RBM38: variants seen among roughly 807,000 people sequenced by gnomAD.
RBM38 encodes the protein RNA binding motif protein 38, also known as RNA-binding protein 38.
RBM38 carries 11 observed loss-of-function variants against 23.5 expected under a neutral mutation model. The ratio of observed to expected loss-of-function variants is 0.47; its 90% confidence interval spans 0.29 to 0.77. The LOEUF (loss-of-function observed/expected upper bound fraction) is 0.77, where lower values mean the gene tolerates loss of function less well. Among genes scored for constraint, RBM38 ranks in the 30% least tolerant of loss-of-function variants. The pLI, the probability that RBM38 is intolerant of heterozygous loss-of-function variation, is 0.08. For synonymous variants in RBM38, 165 were observed against 166.1 expected (o/e 0.99, Z 0.05); for missense variants, 330 against 351.9 (o/e 0.94, Z 0.50).
At chr20:57,405,415 A>G (rs1285238926) in intron 3 of RBM38, among the ~76,000 whole-genome samples, 1 of 152,190 alleles carries the variant, frequency 6.6e-6, no homozygotes, top group East Asian at 1.9e-4. Flanking sequence ...AGAGGCTTCT[A>G]ACCTGGGGAG....
intron 3 of RBM38, among the ~76,000 whole-genome samples, chr20:57,406,817 C>T (rs2067389190): frequency 6.6e-6 from 1 of 152,024 alleles, no homozygotes; most frequent in Non-Finnish European, 1.5e-5. Context: ...CACGGTGAAA[C>T]CTCATCTCTA....
chr20:57,391,759 A>T lies in RBM38; in HGVS notation c.178A>T (p.Ile60Phe). Reference sequence around the variant, plus strand: ...GAAGTACTTCGAGGGCTTCGGCGACATCGAGGAGGCCGTGGTCATCACCGA... The same window carrying T: ...GAAGTACTTCGAGGGCTTCGGCGACTTCGAGGAGGCCGTGGTCATCACCGA... Reference protein sequence around the residue: ...LRKYFEGFGDIEEAVVITDRQ... With the variant: ...LRKYFEGFGDFEEAVVITDRQ... The change falls in exon 1 of 4, where the codon ATC becomes TTC. Residue 60 changes from isoleucine (I) to phenylalanine (F), a missense_variant. Ile to Phe is a conservative substitution (Grantham distance 21, BLOSUM62 0). Coordinates refer to ENST00000356208, the MANE Select transcript of RBM38 (RefSeq NM_017495.6). The T allele has an allele frequency of 6.4e-7, 1 of 1,573,090 alleles. No individual in the cohort carries two copies. Among genetic ancestry groups the T allele is most frequent in the Non-Finnish European group, 8.6e-7 (1 of 1,159,366 alleles).
chr20:57,394,005 A>G, intron 3 of RBM38, among the ~76,000 whole-genome samples: 1 of 152,038 alleles, frequency 6.6e-6, no homozygotes, highest in Non-Finnish European at 1.5e-5. Context: ...CACACACTTA[A>G]GGGATACAAA....
chr20:57,407,504 C>T lies in RBM38; in HGVS notation c.417-39C>T, dbSNP rs369862524. On this transcript the variant is annotated intron_variant, in intron 3 of 3. Transcript: ENST00000356208. This position sits in a 1 kb window ranked among gnomAD's most constrained non-coding sequence, Gnocchi z 4.0. ...CTGTTCTCCCAGCTGTATTCCCCAA[C>T]TCCGTTCTGGCCCTAACCTGCTCTG... is the stretch of plus-strand genomic sequence containing the variant. 24 of 1,598,218 alleles carry T rather than the reference C, an allele frequency of 1.5e-5. No individual in the cohort carries two copies. Among genetic ancestry groups the T allele is most frequent in the Non-Finnish European group, 1.8e-5 (21 of 1,168,986 alleles).
chr20:57,401,646 G>C (rs183924311), intron 3 of RBM38, among the ~76,000 whole-genome samples: 1 of 152,218 alleles, frequency 6.6e-6, no homozygotes, highest in Admixed American at 6.5e-5. Context: ...AGGGGCTTCC[G>C]ATCATAAGGA....
At position 57,407,631 on chromosome 20, in the gene RBM38, T is replaced by C; in HGVS notation, c.505T>C (p.Tyr169His). ...CCCTGTCCCGTCGCTGTCCTCGCCC[T>C]ACATTGAGTACACGCCGGCCAGCCC... ...AAPVPSLSSP[Y>H]IEYTPASPAY... The change falls in exon 4 of 4, where the codon TAC becomes CAC. Residue 169 changes from tyrosine to histidine, a missense_variant. Transcript: ENST00000356208. This position sits in a 1 kb window ranked among gnomAD's most constrained non-coding sequence, Gnocchi z 4.0. 1 of 1,613,484 alleles carries C rather than the reference T, an allele frequency of 6.2e-7. No individual in the cohort carries two copies. Among genetic ancestry groups the C allele is most frequent in the Non-Finnish European group, 8.5e-7 (1 of 1,179,840 alleles).
chr20:57,393,639 G>A (rs1421038727), intron 3 of RBM38, among the ~76,000 whole-genome samples: 1 of 152,208 alleles, frequency 6.6e-6, no homozygotes, highest in Non-Finnish European at 1.5e-5. Context: ...TGAGTTCTCT[G>A]AATGGAGGGC....
chr20:57,400,867 C>T (rs1322637937), intron 3 of RBM38, among the ~76,000 whole-genome samples: 1 of 152,130 alleles, frequency 6.6e-6, no homozygotes, highest in East Asian at 1.9e-4. Context: ...AGGCTCCTGC[C>T]CTCTCCTTTG....
At chr20:57,392,880 A>T (rs2067235228) in intron 2 of RBM38, 103 bp downstream of exon 2, 1 of 1,482,360 alleles carries the variant, frequency 6.7e-7, no homozygotes, top group Admixed American at 2.0e-5. Flanking sequence ...CAGCAGTGGC[A>T]GTCGGCTATC....
rs140827613 is a variant in RBM38 at position 57,406,950 on chromosome 20, C to T, written c.417-593C>T. On this transcript the variant is annotated intron_variant, in intron 3 of 3. Transcript: ENST00000356208. ...CGGAGCTTGCAGTGAGCGGAGATCC[C>T]GCCACTGCACTCCAGCCTGGGGAAC... 5.6e-3 allele frequency among the ~76,000 whole-genome samples: 842 copies of T among 150,452 alleles called. 2 individuals are homozygous for T. Among genetic ancestry groups the T allele is most frequent in the African/African-American group, 0.02 (801 of 40,670 alleles).
chr20:57,392,271 C>T (rs911752283), intron 1 of RBM38: 9 of 478,184 alleles, frequency 1.9e-5, no homozygotes, highest in Middle Eastern at 3.2e-4. Flanking sequence ...AGACACTTTC[C>T]TGCTTACCTT....
rs745931835 is a variant in RBM38 at position 57,393,364 on chromosome 20, A to G, written c.416+31A>G. On this transcript the variant is annotated intron_variant, in intron 3 of 3. Coordinates refer to ENST00000356208, the MANE Select transcript of RBM38 (RefSeq NM_017495.6). ...TGGACATGGCTGGCTTGGGGTGGGT[A>G]GTCCGTGGAGATGAAGTGGAGAGGG... The G allele has an allele frequency of 5.0e-6, 8 of 1,609,148 alleles. No homozygotes were observed. The African/African-American group carries it at 1.1e-4, about 22-fold the overall frequency.
Position 57,407,451 on chromosome 20 carries a change from TGGG to T in RBM38, c.417-88_417-86del. On this transcript the variant is annotated intron_variant, in intron 3 of 3. Transcript: ENST00000356208. The surrounding 1 kb of genome is among the most constrained non-coding windows in gnomAD (Gnocchi z 4.0). ...CGATGAGGAAAGTCGGGGCTCGGGG[TGGG>T]GGGCGGCACGCATCGTGTACCCCAC... 2 of 1,387,508 alleles carry T rather than the reference TGGG, an allele frequency of 1.4e-6. No homozygotes were observed. The highest frequency in any genetic ancestry group is 2.0e-6 in the Non-Finnish European group (2 of 1,015,104). The allele number at this position is 1,387,508 out of a possible 1,614,324, so 85.9% of individuals were successfully genotyped here.
At chr20:57,392,354 C>G in intron 1 of RBM38, 1 of 1,414,180 alleles carries the variant, frequency 7.1e-7, no homozygotes. Context: ...CCAGGCGGCC[C>G]CCCAAGCTCC....
chr20:57,399,473 A>G (rs1386084503), intron 3 of RBM38, among the ~76,000 whole-genome samples: 1 of 152,124 alleles, frequency 6.6e-6, no homozygotes, highest in Non-Finnish European at 1.5e-5. Context: ...GAACCTGGGA[A>G]AGAAAGAGGA....
intron 2 of RBM38, 182 bp downstream of exon 2, chr20:57,392,959 G>GATCCTCGAGAAGGGGA: frequency 1.2e-6 from 1 of 857,666 alleles, no homozygotes; most frequent in South Asian, 1.8e-5. Context: ...CTCACAGCGT[G>GATCCTCGAGAAGGGGA]TGGCCCAAAG....
intron 3 of RBM38, among the ~76,000 whole-genome samples, chr20:57,396,513 G>C (rs2067276188): frequency 6.6e-6 from 1 of 152,246 alleles, no homozygotes; most frequent in Non-Finnish European, 1.5e-5. Context: ...GGGACTAGCT[G>C]CACCCAGAGC....
chr20:57,392,543 C>G, intron 1 of RBM38, 111 bp from the exon 2 acceptor site: 1 of 1,516,976 alleles, frequency 6.6e-7, no homozygotes, highest in Non-Finnish European at 8.9e-7. Flanking sequence ...CAGGCACCCT[C>G]AGAGGAAGGG....
chr20:57,395,770 TG>T (rs1482085703), intron 3 of RBM38, among the ~76,000 whole-genome samples: 1 of 141,436 alleles, frequency 7.1e-6, no homozygotes, highest in Non-Finnish European at 1.5e-5. Context: ...GCTGGAGAGC[TG>T]GGCCGGAGCT....
Sources: allele counts gnomAD v4.1 joint callset (sites outside exome capture counted in the v4.1 genomes callset), GRCh38; gene constraint gnomAD v4.1.1; non-coding constraint Gnocchi (gnomAD v3.1); transcripts MANE v1.5; gene names NCBI Gene and HGNC (gene_info 2026-07-23, HGNC 2026-07-21).